The following ERC1 variants were observed in gnomAD, a reference collection of about 807,000 sequenced individuals.
ERC1 encodes the protein ELKS/RAB6-interacting/CAST family member 1, also known as RAB6 interacting protein 2.
In ERC1, 56 loss-of-function variants were observed where a neutral mutation model predicts 132.0. The ratio of observed to expected loss-of-function variants is 0.42; its 90% confidence interval spans 0.34 to 0.53. The LOEUF (loss-of-function observed/expected upper bound fraction) is 0.53. Ranked by LOEUF, ERC1 falls within the 20% of genes least tolerant of loss-of-function variation. The probability of loss-of-function intolerance (pLI) is 0.03; values close to 1 mark genes in which losing one functional copy is unlikely to be tolerated. For missense variants in ERC1, 1,202 were observed against 1,349.9 expected (o/e 0.89, Z 1.72); for synonymous variants, 478 against 476.1 (o/e 1.00, Z -0.05).
chr12:1,115,808 A>G, intron 6 of ERC1, 58 bp from the exon 7 acceptor site: 1 of 1,406,070 alleles, frequency 7.1e-7, no homozygotes, highest in Admixed American at 2.1e-5. Flanking sequence ...TGAAAGATAC[A>G]GATAAGAGGT....
At chr12:1,476,157 G>A (rs145568536) in intron 18 of ERC1, among the ~76,000 whole-genome samples, 26 of 151,900 alleles carry the variant, frequency 1.7e-4, no homozygotes, top group East Asian at 1.2e-3. Context: ...TCAGGAGGCT[G>A]AGGCAGGAGA....
intron 15 of ERC1, among the ~76,000 whole-genome samples, chr12:1,299,132 A>C (rs1353294626): frequency 6.6e-6 from 1 of 152,178 alleles, no homozygotes; most frequent in Non-Finnish European, 1.5e-5. Flanking sequence ...TAAACAAACA[A>C]AAGCAATCAG....
intron 15 of ERC1, among the ~76,000 whole-genome samples, chr12:1,291,504 C>G (rs1049836786): frequency 6.6e-6 from 1 of 152,026 alleles, no homozygotes; most frequent in Non-Finnish European, 1.5e-5. Context: ...TTTAGTCTAC[C>G]TAGAGAACTT....
intron 12 of ERC1, among the ~76,000 whole-genome samples, chr12:1,234,793 A>C (rs184702539): frequency 6.6e-6 from 1 of 152,236 alleles, no homozygotes; most frequent in African/African-American, 2.4e-5. Flanking sequence ...CTTTGTACAC[A>C]CCAGAAGTGG....
At chr12:1,253,902 C>T (rs893423513) in intron 13 of ERC1, among the ~76,000 whole-genome samples, 2 of 152,150 alleles carry the variant, frequency 1.3e-5, no homozygotes, top group Admixed American at 1.3e-4. Flanking sequence ...GAGTCTTCTT[C>T]TTTAAGGAGA....
intron 2 of ERC1, among the ~76,000 whole-genome samples, chr12:1,053,217 A>G (rs1239041622): frequency 1.3e-5 from 2 of 152,226 alleles, no homozygotes; most frequent in African/African-American, 4.8e-5. Flanking sequence ...ATAGATCAAG[A>G]GGGAAAAAGT....
intron 16 of ERC1, 88 bp downstream of exon 16, chr12:1,372,065 CTCA>C (rs3216962): frequency 0.045 from 64,953 of 1,458,860 alleles, 4,795 homozygotes; most frequent in African/African-American, 0.33. Context: ...ACTTTAAGGT[CTCA>C]TGTTTCATAT....
At chr12:1,407,968 A>T (rs1194223184) in intron 16 of ERC1, among the ~76,000 whole-genome samples, 181 bp from the exon 17 acceptor site, 1 of 152,170 alleles carries the variant, frequency 6.6e-6, no homozygotes, top group African/African-American at 2.4e-5. Context: ...GGGAGGCACA[A>T]TTCAGCCCGT....
intron 3 of ERC1, among the ~76,000 whole-genome samples, chr12:1,102,578 C>G (rs1272042751): frequency 1.3e-5 from 2 of 152,114 alleles, no homozygotes; most frequent in African/African-American, 4.8e-5. Flanking sequence ...CGTTTGGTAG[C>G]CATTTCATTC....
chr12:1,018,748 T>C (rs1364157462), intron 1 of ERC1, among the ~76,000 whole-genome samples: 2 of 152,244 alleles, frequency 1.3e-5, no homozygotes, highest in Non-Finnish European at 2.9e-5. Context: ...TTGATTTGTA[T>C]TAGACACTGT....
rs974167066 is a variant in ERC1 at position 1,129,299 on chromosome 12, C to T, written c.1570-12321C>T. 5.5e-5 allele frequency among the ~76,000 whole-genome samples: 8 copies of T among 144,960 alleles called. 1 individual carries two copies. Among genetic ancestry groups the T allele is most frequent in the East Asian group, 2.0e-4 (1 of 5,074 alleles). ...ACCAGCCGGGGCAACAGTGAGACTG[C>T]GTCTCCACAAACAACAACAACAACA... On this transcript the variant is annotated intron_variant, in intron 7 of 18. Coordinates refer to ENST00000360905, the MANE Select transcript of ERC1 (RefSeq NM_178040.4).
intron 6 of ERC1, among the ~76,000 whole-genome samples, chr12:1,113,943 T>G (rs1417108215): frequency 6.6e-6 from 1 of 152,218 alleles, no homozygotes; most frequent in Non-Finnish European, 1.5e-5. Flanking sequence ...GTATTATATT[T>G]GCTTCCCCTT....
intron 14 of ERC1, among the ~76,000 whole-genome samples, chr12:1,280,960 A>G (rs2078638979): frequency 2.6e-5 from 4 of 152,146 alleles, no homozygotes; most frequent in Admixed American, 2.6e-4. Flanking sequence ...TCTCCACAAA[A>G]TGTGTGTCTA....
chr12:1,076,896 A>G (rs1229305612), intron 2 of ERC1, among the ~76,000 whole-genome samples: 2 of 152,224 alleles, frequency 1.3e-5, no homozygotes, highest in Admixed American at 6.5e-5. Context: ...AATACAAAGA[A>G]TTAAATTGCA....
chr12:1,394,180 C>T (rs1182490701), intron 16 of ERC1, among the ~76,000 whole-genome samples: 1 of 151,734 alleles, frequency 6.6e-6, no homozygotes, highest in Non-Finnish European at 1.5e-5. Context: ...GCGGGCAGAT[C>T]ACGAGGTCAG....
At chr12:1,309,607 C>G (rs999995500) in intron 15 of ERC1, among the ~76,000 whole-genome samples, 1 of 152,092 alleles carries the variant, frequency 6.6e-6, no homozygotes, top group Non-Finnish European at 1.5e-5. Flanking sequence ...CTTCCCCCTT[C>G]TCTCTCCCTT....
Position 1,418,497 on chromosome 12 carries a change from C to G in ERC1, c.3024+10250C>G, listed in dbSNP as rs77300701. On this transcript the variant is annotated intron_variant, in intron 17 of 18. Transcript: ENST00000360905. ...TTATTAGATTAGACCCAATTGTCCT[C>G]AAATCAATTTCTCCATGACTGTCTC... Among the ~76,000 whole-genome samples, 729 of 152,306 alleles carry G rather than the reference C, an allele frequency of 4.8e-3. 8 individuals are homozygous for G. The highest frequency in any genetic ancestry group is 0.017 in the African/African-American group (693 of 41,570).
intron 16 of ERC1, among the ~76,000 whole-genome samples, chr12:1,392,431 T>C (rs1289909716): frequency 6.6e-6 from 1 of 152,184 alleles, no homozygotes; most frequent in African/African-American, 2.4e-5. Flanking sequence ...TAGGTTGAAT[T>C]TTAATGCTTA....
At chr12:1,219,789 A>G (rs1426789532) in intron 12 of ERC1, among the ~76,000 whole-genome samples, 1 of 151,970 alleles carries the variant, frequency 6.6e-6, no homozygotes, top group African/African-American at 2.4e-5. Flanking sequence ...GTGCACACCA[A>G]CCATGCCTGG....
Sources: allele counts gnomAD v4.1 joint callset (sites outside exome capture counted in the v4.1 genomes callset), GRCh38; gene constraint gnomAD v4.1.1; transcripts MANE v1.5; gene names NCBI Gene and HGNC (gene_info 2026-07-23, HGNC 2026-07-21).